NCAM2: variants seen among roughly 807,000 people sequenced by gnomAD.
NCAM2 encodes the protein N-CAM-2.
In NCAM2, 30 loss-of-function variants were observed where a neutral mutation model predicts 98.1. The observed-to-expected ratio is 0.31, with a 90% confidence interval of 0.23 to 0.41. The LOEUF is 0.41. Ranked by LOEUF, NCAM2 falls within the 10% of genes least tolerant of loss-of-function variation. The pLI, the probability that NCAM2 is intolerant of heterozygous loss-of-function variation, is 1.00. For synonymous variants in NCAM2, 368 were observed against 342.4 expected (o/e 1.07, Z -0.83); for missense variants, 867 against 1,005.8 (o/e 0.86, Z 1.87).
chr21:21,512,403 A>C (rs1002287181), intron 16 of NCAM2, among the ~76,000 whole-genome samples: 3 of 151,890 alleles, frequency 2.0e-5, no homozygotes, highest in African/African-American at 7.2e-5. Flanking sequence ...CTGTAAATGC[A>C]TGGGTTTATG....
At chr21:21,220,043 T>TA (rs1601683097) in intron 1 of NCAM2, among the ~76,000 whole-genome samples, 2 of 142,656 alleles carry the variant, frequency 1.4e-5, no homozygotes, top group East Asian at 4.1e-4. Context: ...TTCAAGCTAT[T>TA]ACGAAAGTCA....
Position 21,204,890 on chromosome 21 carries a change from C to G in NCAM2, c.56-75688C>G, listed in dbSNP as rs79556516. The stretch of plus-strand genomic sequence containing the variant: ...ATTTTCATATAAATATAGAACGTAT[C>G]CTTTTTAAGTAGATATTTCCACTTT... On this transcript the variant is annotated intron_variant, in intron 1 of 17. Transcript: ENST00000400546. 9.5e-3 allele frequency among the ~76,000 whole-genome samples: 1,441 copies of G among 152,190 alleles called. 44 individuals carry two copies. Among genetic ancestry groups the G allele is most frequent in the Admixed American group, 0.062 (948 of 15,274 alleles).
intron 1 of NCAM2, among the ~76,000 whole-genome samples, chr21:21,276,695 C>T (rs1207037988): frequency 2.6e-5 from 4 of 152,040 alleles, no homozygotes; most frequent in Non-Finnish European, 4.4e-5. Context: ...GTAGGATTTA[C>T]TAATATGCCA....
chr21:21,190,267 T>G (rs371189596), intron 1 of NCAM2, among the ~76,000 whole-genome samples: 1 of 152,314 alleles, frequency 6.6e-6, no homozygotes, highest in East Asian at 1.9e-4. Flanking sequence ...TCCAAAAACC[T>G]ACAGAATGTG....
chr21:21,363,303 G>A (rs1327160413), intron 8 of NCAM2, among the ~76,000 whole-genome samples: 3 of 152,024 alleles, frequency 2.0e-5, no homozygotes, highest in Non-Finnish European at 2.9e-5. Context: ...TATGTTACTG[G>A]AAACATGGCT....
chr21:21,357,546 T>A (rs913200983), intron 8 of NCAM2, among the ~76,000 whole-genome samples: 15 of 152,110 alleles, frequency 9.9e-5, no homozygotes, highest in African/African-American at 3.6e-4. Flanking sequence ...AAAGCTCTGG[T>A]GAAATGAAAA....
At chr21:21,384,471 T>C (rs1290719610) in intron 9 of NCAM2, among the ~76,000 whole-genome samples, 1 of 151,900 alleles carries the variant, frequency 6.6e-6, no homozygotes, top group Non-Finnish European at 1.5e-5. Flanking sequence ...CCTGAAAATT[T>C]ATTATTTTTC....
intron 8 of NCAM2, among the ~76,000 whole-genome samples, chr21:21,339,473 G>A (rs2074965664): frequency 6.6e-6 from 1 of 151,958 alleles, no homozygotes; most frequent in Admixed American, 6.6e-5. Flanking sequence ...GGAAAAGATG[G>A]TGAAATATTG....
chr21:21,329,215 A>G (rs9636693), intron 6 of NCAM2, among the ~76,000 whole-genome samples: 86,200 of 151,930 alleles, frequency 0.57, 24,666 homozygotes, highest in Admixed American at 0.65. Context: ...CCAAAGTGCT[A>G]AGATTACAGG....
At chr21:21,392,251 T>C (rs1448996878) in intron 9 of NCAM2, among the ~76,000 whole-genome samples, 2 of 152,212 alleles carry the variant, frequency 1.3e-5, no homozygotes, top group African/African-American at 4.8e-5. Flanking sequence ...GGCCACCAGA[T>C]CCATCTATGT....
At chr21:21,387,799 C>A (rs1055569318) in intron 9 of NCAM2, among the ~76,000 whole-genome samples, 1 of 152,078 alleles carries the variant, frequency 6.6e-6, no homozygotes, top group African/African-American at 2.4e-5. Flanking sequence ...AACAAACACC[C>A]CTGCTTTCAT....
chr21:21,437,359 T>C (rs232405), intron 12 of NCAM2, among the ~76,000 whole-genome samples: 25,428 of 152,068 alleles, frequency 0.17, 2,173 homozygotes, highest in South Asian at 0.21. Flanking sequence ...CAACCTCTAT[T>C]GTATTGACGA....
intron 1 of NCAM2, among the ~76,000 whole-genome samples, chr21:21,141,505 A>G (rs964290741): frequency 7.9e-5 from 12 of 152,234 alleles, no homozygotes; most frequent in Admixed American, 3.3e-4. Flanking sequence ...GATTTTTCCT[A>G]TCAATTACTA....
intron 1 of NCAM2, among the ~76,000 whole-genome samples, chr21:21,125,528 TATATAAAATATATATTAC>T (rs1219446280): frequency 9.0e-6 from 1 of 111,250 alleles, no homozygotes; most frequent in African/African-American, 3.1e-5. Flanking sequence ...TAATATGTAA[TATATAAAATATATATTAC>T]ATATATACAT....
chr21:21,185,618 G>A (rs754744393), intron 1 of NCAM2, among the ~76,000 whole-genome samples: 1 of 152,128 alleles, frequency 6.6e-6, no homozygotes, highest in African/African-American at 2.4e-5. Context: ...CAAAGCTTGT[G>A]TTGTAGTATC....
Position 21,472,051 on chromosome 21 carries a change from T to G in NCAM2, c.1896+3268T>G, listed in dbSNP as rs531865250. On this transcript the variant is annotated intron_variant, in intron 14 of 17. Coordinates refer to ENST00000400546, the MANE Select transcript of NCAM2 (RefSeq NM_004540.5). ...AGTTATTTTTACATCTACTTTGTAC[T>G]TATAGTGTCAATGTAACTTCATATA... Among the ~76,000 whole-genome samples, 14 of 152,210 alleles carry G rather than the reference T, an allele frequency of 9.2e-5. No homozygotes were observed. In the South Asian group the frequency reaches 2.9e-3, roughly 32 times the overall value.
intron 16 of NCAM2, among the ~76,000 whole-genome samples, chr21:21,530,275 T>G (rs1011478548): frequency 7.5e-6 from 1 of 132,804 alleles, no homozygotes; most frequent in South Asian, 2.2e-4. Context: ...TAATTATATA[T>G]AATTTAATTT....
chr21:21,167,586 C>T (rs934314993), intron 1 of NCAM2, among the ~76,000 whole-genome samples: 1 of 151,862 alleles, frequency 6.6e-6, no homozygotes. Flanking sequence ...ATTCAGGGTT[C>T]CTCAGAAAAT....
intron 1 of NCAM2, among the ~76,000 whole-genome samples, chr21:21,037,242 G>A (rs1476986967): frequency 6.6e-6 from 1 of 152,066 alleles, no homozygotes; most frequent in Non-Finnish European, 1.5e-5. Context: ...GCTGAGGCTT[G>A]TTTTCTTTTA....
Sources: gnomAD v4.1 joint callset for allele counts (sites outside exome capture counted in the v4.1 genomes callset) on GRCh38, gnomAD v4.1.1 for gene constraint, MANE v1.5 for transcripts, NCBI Gene and HGNC (gene_info 2026-07-23, HGNC 2026-07-21) for gene names.